Variants in FAM107B observed in about 807,000 individuals in gnomAD.
FAM107B encodes the protein family with sequence similarity 107 member B.
In FAM107B, 21 loss-of-function variants were observed where a neutral mutation model predicts 31.5. The ratio of observed to expected loss-of-function variants is 0.67; its 90% CI spans 0.47 to 0.96. The LOEUF (loss-of-function observed/expected upper bound fraction) is 0.96. Ranked by LOEUF, FAM107B falls within the 40% of genes least tolerant of loss-of-function variation. The pLI is 0.00. For synonymous variants in FAM107B, 157 were observed against 141.5 expected, an observed-to-expected ratio of 1.11 and a Z score of -0.78; for missense variants, 452 against 377.1, an observed-to-expected ratio of 1.20 and a Z score of -1.64.
At chr10:14,660,297 C>G (rs1198242466) in intron 2 of FAM107B, among the ~76,000 whole-genome samples, 2 of 152,130 alleles carry the variant, frequency 1.3e-5, no homozygotes, top group African/African-American at 4.8e-5. Flanking sequence ...TGGCCTGTTT[C>G]TAAAGCAATG....
intron 2 of FAM107B, among the ~76,000 whole-genome samples, chr10:14,651,503 G>A (rs1853898404): frequency 6.6e-6 from 1 of 152,170 alleles, no homozygotes; most frequent in Admixed American, 6.5e-5. Context: ...TACTTAGGAG[G>A]CTGAGGCAAA....
chr10:14,607,449 T>C (rs1852622642), intron 2 of FAM107B, among the ~76,000 whole-genome samples: 1 of 152,122 alleles, frequency 6.6e-6, no homozygotes, highest in South Asian at 2.1e-4. Flanking sequence ...AAATAAAAAC[T>C]CAAAGGTTAT....
At chr10:14,618,205 T>C (rs1852902103) in intron 2 of FAM107B, among the ~76,000 whole-genome samples, 1 of 152,232 alleles carries the variant, frequency 6.6e-6, no homozygotes, top group Non-Finnish European at 1.5e-5. Flanking sequence ...CAAGACGCTT[T>C]TGAGATTTCT....
chr10:14,636,700 G>C (rs1028771023), intron 2 of FAM107B, among the ~76,000 whole-genome samples: 9 of 152,102 alleles, frequency 5.9e-5, no homozygotes, highest in Non-Finnish European at 1.2e-4. Context: ...AATTTTAGGG[G>C]GGGTGGGGGA....
At position 14,530,401 on chromosome 10, in the gene FAM107B, A is replaced by T. The variant is rs367679632; in HGVS notation, c.584T>A (p.Leu195Gln). ...CCGGGAGGTTTTTACAGGATTGATC[A>T]GTTTCTGAGGCCTAATGAGTTCAGG... ...DNPELIRPQK[L>Q]INPVKTSRNH... is the part of the protein sequence containing the mutation. Residue 195 changes from leucine (L) to glutamine (Q), a missense_variant, in exon 3 of 5, where the codon CTG (leucine) becomes CAG (glutamine). Coordinates refer to ENST00000181796, the MANE Select transcript of FAM107B (RefSeq NM_031453.4). 6.2e-7 allele frequency: 1 copy of T among 1,614,060 alleles called. No individual in the cohort carries two copies. Among genetic ancestry groups the T allele is most frequent in the South Asian group, 1.1e-5 (1 of 91,082 alleles).
intron 1 of FAM107B, among the ~76,000 whole-genome samples, chr10:14,670,984 C>G (rs1854525841): frequency 6.6e-6 from 1 of 152,236 alleles, no homozygotes; most frequent in African/African-American, 2.4e-5. Flanking sequence ...AACAGTCCAA[C>G]TGTAGTAGAC....
intron 1 of FAM107B, among the ~76,000 whole-genome samples, chr10:14,766,967 C>T (rs1833174927): frequency 2.2e-5 from 3 of 137,272 alleles, no homozygotes; most frequent in Admixed American, 1.5e-4. Flanking sequence ...TAACCTGATA[C>T]CAAAGTTAGA....
chr10:14,757,020 C>T (rs940550547), intron 1 of FAM107B, among the ~76,000 whole-genome samples: 1 of 151,972 alleles, frequency 6.6e-6, no homozygotes, highest in African/African-American at 2.4e-5. Context: ...GAGGGTGGAG[C>T]AGGGAGAGGA....
intron 1 of FAM107B, among the ~76,000 whole-genome samples, chr10:14,726,169 T>C (rs889199665): frequency 1.3e-5 from 2 of 152,150 alleles, no homozygotes; most frequent in African/African-American, 4.8e-5. Context: ...AATTTTGTAT[T>C]TTTAGTAGAG....
chr10:14,593,315 G>GA (rs1442685214), intron 2 of FAM107B, among the ~76,000 whole-genome samples: 3 of 152,082 alleles, frequency 2.0e-5, no homozygotes, highest in African/African-American at 7.2e-5. Context: ...TTCCATTTGA[G>GA]AAAGTTTAGG....
At chr10:14,601,857 C>T (rs1001098703) in intron 2 of FAM107B, among the ~76,000 whole-genome samples, 7 of 152,172 alleles carry the variant, frequency 4.6e-5, no homozygotes, top group Admixed American at 1.3e-4. Context: ...CAAAGAAAAT[C>T]AGTAAAACTC....
intron 1 of FAM107B, among the ~76,000 whole-genome samples, chr10:14,715,811 G>T (rs1855766659): frequency 1.3e-5 from 2 of 152,126 alleles, no homozygotes; most frequent in Admixed American, 1.3e-4. Context: ...TGGTTCTCAA[G>T]CCCTTGGCCT....
chr10:14,774,745 G>T lies in FAM107B; in HGVS notation c.-82C>A. The T allele has an allele frequency of 6.9e-7, 1 of 1,442,468 alleles. No homozygotes were observed. The highest frequency in any genetic ancestry group is 9.4e-7 in the Non-Finnish European group (1 of 1,061,534). 89.4% of individuals were successfully genotyped at this position (1,442,468 alleles called of 1,614,324 possible). A position where few individuals can be genotyped will look rare whatever the true frequency, so the allele number is the denominator to read the frequency against. On this transcript the variant is annotated 5_prime_UTR_variant, in exon 1 of 5. Coordinates refer to ENST00000181796, the MANE Select transcript of FAM107B (RefSeq NM_031453.4). ...CACATCACCTCCACTTTGCTTATAGGAACTCTTTCCAATTGCCCGAAGAGA... is the reference window on the plus strand; with the variant it reads ...CACATCACCTCCACTTTGCTTATAGTAACTCTTTCCAATTGCCCGAAGAGA...
intron 2 of FAM107B, chr10:14,602,327 A>C (rs1225070221): frequency 6.6e-6 from 1 of 152,230 alleles, no homozygotes; most frequent in Non-Finnish European, 1.5e-5. Flanking sequence ...GCATCATCCT[A>C]ATGATCAACC....
chr10:14,774,332 G>C lies in FAM107B; in HGVS notation c.332C>G (p.Ser111Cys). ...PAETPEDVPG[S>C]LDDGADCEAV... ...TTCACAGTCCGCCCCATCATCCAGGGACCCGGGCACATCTTCAGGCGTCTC... is the reference window on the plus strand; with the variant it reads ...TTCACAGTCCGCCCCATCATCCAGGCACCCGGGCACATCTTCAGGCGTCTC... The change falls in exon 1 of 5, where the codon TCC (serine) becomes TGC (cysteine). Residue 111 changes from serine (S) to cysteine (C), a missense_variant. Ser to Cys is a moderately radical substitution (Grantham distance 112, BLOSUM62 -1). Transcript: ENST00000181796. 1 of 1,614,216 alleles carries C rather than the reference G, an allele frequency of 6.2e-7. No homozygotes were observed. Among genetic ancestry groups the C allele is most frequent in the Non-Finnish European group, 8.5e-7 (1 of 1,180,036 alleles).
At position 14,623,764 on chromosome 10, in the gene FAM107B, C is replaced by A. The variant is rs145977193; in HGVS notation, c.469+43870G>T. 4.9e-3 allele frequency among the ~76,000 whole-genome samples: 745 copies of A among 152,134 alleles called. 7 individuals carry two copies. Among genetic ancestry groups the A allele is most frequent in the African/African-American group, 0.017 (696 of 41,512 alleles). ...TTGCTTGAACCTGGGAGGAGGAGGC[C>A]GCAGTGAGCTGAGATCGCCCACTGC... On this transcript the variant is annotated intron_variant, in intron 2 of 4. Transcript: ENST00000181796.
chr10:14,761,011 C>CAA (rs565835423), intron 1 of FAM107B, among the ~76,000 whole-genome samples: 67 of 77,594 alleles, frequency 8.6e-4, no homozygotes, highest in South Asian at 1.5e-3. Context: ...GACTCCGTTT[C>CAA]AAAAAAAAAA....
chr10:14,552,519 A>G (rs1163322500), intron 2 of FAM107B, among the ~76,000 whole-genome samples: 1 of 151,960 alleles, frequency 6.6e-6, no homozygotes, highest in Non-Finnish European at 1.5e-5. Flanking sequence ...CATAGCCTTT[A>G]CAACATGCTG....
intron 2 of FAM107B, among the ~76,000 whole-genome samples, chr10:14,581,770 G>A (rs1178089775): frequency 6.6e-6 from 1 of 152,164 alleles, no homozygotes; most frequent in Non-Finnish European, 1.5e-5. Flanking sequence ...GAGCGTGGTG[G>A]TGCACACCCA....
Sources: allele counts gnomAD v4.1 joint callset (sites outside exome capture counted in the v4.1 genomes callset), GRCh38; gene constraint gnomAD v4.1.1; transcripts MANE v1.5; gene names NCBI Gene and HGNC (gene_info 2026-07-23, HGNC 2026-07-21).